ACAP2: variants seen among roughly 807,000 people sequenced by gnomAD.
The protein encoded by ACAP2 is ArfGAP with coiled-coil, ankyrin repeat and PH domains 2.
In ACAP2, 39 loss-of-function variants were observed where a neutral mutation model predicts 115.8. The ratio of observed to expected loss-of-function variants is 0.34; its 90% CI spans 0.26 to 0.44. The LOEUF (loss-of-function observed/expected upper bound fraction) is 0.44, where lower values mean the gene tolerates loss of function less well. Ranked by LOEUF, ACAP2 falls within the 20% of genes least tolerant of loss-of-function variation. The pLI, the probability that ACAP2 is intolerant of heterozygous loss-of-function variation, is 1.00. For missense variants in ACAP2, 662 were observed against 927.6 expected (o/e 0.71, Z 3.72); for synonymous variants, 289 against 315.8 (o/e 0.92, Z 0.90).
At chr3:195,319,379 G>T (rs964606407) in intron 10 of ACAP2, among the ~76,000 whole-genome samples, 2 of 152,142 alleles carry the variant, frequency 1.3e-5, no homozygotes, top group African/African-American at 4.8e-5. Flanking sequence ...ACCCCAGAAG[G>T]GTAGATCCAC....
At chr3:195,353,080 T>TAA (rs530794501) in intron 4 of ACAP2, among the ~76,000 whole-genome samples, 1,444 of 134,046 alleles carry the variant, frequency 0.011, 35 homozygotes, top group African/African-American at 0.035. Context: ...ACTCTGTCTT[T>TAA]AAAAAAAAAA....
At chr3:195,368,020 G>T (rs1732849744) in intron 4 of ACAP2, among the ~76,000 whole-genome samples, 1 of 152,224 alleles carries the variant, frequency 6.6e-6, no homozygotes. Context: ...CCGTATTTAA[G>T]ATATTGATGT....
intron 18 of ACAP2, 110 bp downstream of exon 18, chr3:195,294,609 T>TTA (rs869264780): frequency 0.057 from 2,100 of 36,800 alleles, 56 homozygotes; most frequent in African/African-American, 0.092. Flanking sequence ...AAAAAAAAAA[T>TTA]TATATATATA....
At chr3:195,305,150 T>C (rs183229912) in intron 13 of ACAP2, among the ~76,000 whole-genome samples, 1 of 152,302 alleles carries the variant, frequency 6.6e-6, no homozygotes, top group East Asian at 1.9e-4. Context: ...ACACAGCTCT[T>C]GGAAATTAAG....
intron 1 of ACAP2, among the ~76,000 whole-genome samples, chr3:195,442,573 G>A (rs951169831): frequency 6.6e-6 from 1 of 152,198 alleles, no homozygotes; most frequent in Non-Finnish European, 1.5e-5. Context: ...GGCAAGGAAA[G>A]AAATGAGAGG....
At chr3:195,353,408 T>G (rs531510167) in intron 4 of ACAP2, among the ~76,000 whole-genome samples, 1 of 152,198 alleles carries the variant, frequency 6.6e-6, no homozygotes, top group Non-Finnish European at 1.5e-5. Context: ...TTAAAACTTG[T>G]GATAAATCCA....
At chr3:195,318,022 T>C (rs1257089834) in intron 10 of ACAP2, among the ~76,000 whole-genome samples, 1 of 152,186 alleles carries the variant, frequency 6.6e-6, no homozygotes, top group Admixed American at 6.5e-5. Flanking sequence ...TTCCCCATGC[T>C]GTTCTCGTGA....
intron 2 of ACAP2, among the ~76,000 whole-genome samples, chr3:195,390,862 T>C (rs1210857190): frequency 6.6e-6 from 1 of 151,530 alleles, no homozygotes; most frequent in Non-Finnish European, 1.5e-5. Context: ...AACATGTAAA[T>C]GAGCAGTGGT....
intron 4 of ACAP2, among the ~76,000 whole-genome samples, chr3:195,359,714 G>A (rs554269887): frequency 1.2e-3 from 184 of 152,232 alleles, no homozygotes; most frequent in African/African-American, 1.8e-3. Context: ...TGATCCGCCC[G>A]CCCCAGCCTC....
At chr3:195,310,337 G>T (rs1728683297) in intron 10 of ACAP2, among the ~76,000 whole-genome samples, 1 of 152,160 alleles carries the variant, frequency 6.6e-6, no homozygotes, top group Admixed American at 6.5e-5. Flanking sequence ...TCATCAAGAG[G>T]TAGGCTAGAA....
chr3:195,413,448 T>A (rs1713448407), intron 1 of ACAP2, among the ~76,000 whole-genome samples: 1 of 151,666 alleles, frequency 6.6e-6, no homozygotes, highest in Non-Finnish European at 1.5e-5. Flanking sequence ...ACAACCCAAA[T>A]AAAAACTGAG....
chr3:195,377,556 G>C (rs1041363165), intron 4 of ACAP2, among the ~76,000 whole-genome samples: 1 of 152,148 alleles, frequency 6.6e-6, no homozygotes, highest in African/African-American at 2.4e-5. Context: ...CCTAGCCATC[G>C]TCTAATTAAC....
chr3:195,311,827 G>A (rs563436503), intron 10 of ACAP2, among the ~76,000 whole-genome samples: 29 of 152,154 alleles, frequency 1.9e-4, no homozygotes, highest in East Asian at 1.4e-3. Flanking sequence ...ATGAGCCACC[G>A]CGCCCTGCCA....
At chr3:195,322,269 C>T (rs1729499906) in intron 9 of ACAP2, among the ~76,000 whole-genome samples, 1 of 152,204 alleles carries the variant, frequency 6.6e-6, no homozygotes, top group African/African-American at 2.4e-5. Flanking sequence ...AAAATTCCTC[C>T]TGGACCAATA....
At chr3:195,402,020 A>G (rs982317832) in intron 1 of ACAP2, among the ~76,000 whole-genome samples, 1 of 152,174 alleles carries the variant, frequency 6.6e-6, no homozygotes, top group Admixed American at 6.5e-5. Flanking sequence ...CAGCAGAATG[A>G]GCACCCCACC....
chr3:195,380,768 A>G (rs988423522), intron 4 of ACAP2, among the ~76,000 whole-genome samples: 3 of 152,174 alleles, frequency 2.0e-5, no homozygotes, highest in African/African-American at 7.2e-5. Flanking sequence ...CAATGATATT[A>G]AGTTCACTAT....
chr3:195,284,763 C>T (rs1035518599), intron 22 of ACAP2, among the ~76,000 whole-genome samples: 1 of 152,096 alleles, frequency 6.6e-6, no homozygotes, highest in African/African-American at 2.4e-5. Context: ...AAAACCAAAC[C>T]TACTCATTGC....
Position 195,434,243 on chromosome 3 carries a change from T to C in ACAP2, c.53+8552A>G, listed in dbSNP as rs568714689. 3.8e-4 allele frequency among the ~76,000 whole-genome samples: 58 copies of C among 152,140 alleles called. No individual in the cohort carries two copies. The Middle Eastern group carries it at 0.017, about 45-fold the overall frequency. Reference sequence around the variant, plus strand: ...CATGTTTGGCCTGGTTTTGTTTTTTTGTTTTTTGAGACAGGATCTTGCTCT... The same window carrying C: ...CATGTTTGGCCTGGTTTTGTTTTTTCGTTTTTTGAGACAGGATCTTGCTCT... On this transcript the variant is annotated intron_variant, in intron 1 of 22. Transcript: ENST00000326793.
intron 11 of ACAP2, among the ~76,000 whole-genome samples, chr3:195,308,560 A>T (rs1445510673): frequency 6.6e-6 from 1 of 152,218 alleles, no homozygotes; most frequent in African/African-American, 2.4e-5. Context: ...AGAAAAATCC[A>T]TCTCAAAGCA....
Sources: allele counts gnomAD v4.1 joint callset (sites outside exome capture counted in the v4.1 genomes callset), GRCh38; gene constraint gnomAD v4.1.1; transcripts MANE v1.5; gene names NCBI Gene and HGNC (gene_info 2026-07-23, HGNC 2026-07-21).